Variants in TTC28 observed in about 807,000 individuals in gnomAD.
The protein encoded by TTC28 is tetratricopeptide repeat protein 28.
In TTC28, 61 loss-of-function variants were observed where a neutral mutation model predicts 198.0. That is an observed-to-expected ratio of 0.31 (90% CI 0.25 to 0.38). The LOEUF (loss-of-function observed/expected upper bound fraction) is 0.38. Ranked by LOEUF, TTC28 falls within the 10% of genes least tolerant of loss-of-function variation. The probability of loss-of-function intolerance (pLI) is 1.00; values close to 1 mark genes in which losing one functional copy is unlikely to be tolerated. For missense variants in TTC28, 2,678 were observed against 3,164.0 expected (o/e 0.85, Z 3.69); for synonymous variants, 1,171 against 1,297.8 (o/e 0.90, Z 2.10).
intron 10 of TTC28, among the ~76,000 whole-genome samples, chr22:28,098,380 A>C (rs1942034974): frequency 1.3e-5 from 2 of 152,110 alleles, no homozygotes; most frequent in Non-Finnish European, 2.9e-5. Flanking sequence ...CCCTGTCTCA[A>C]GGACACTTTC....
At chr22:28,603,738 T>C (rs2050680285) in intron 2 of TTC28, among the ~76,000 whole-genome samples, 1 of 152,098 alleles carries the variant, frequency 6.6e-6, no homozygotes. Context: ...ACAATCCTTA[T>C]AACAGTCCTC....
At chr22:28,125,636 T>G (rs949470077) in intron 6 of TTC28, among the ~76,000 whole-genome samples, 2 of 152,222 alleles carry the variant, frequency 1.3e-5, no homozygotes, top group Admixed American at 6.5e-5. Context: ...ACAAAAGGAT[T>G]CATATTTCCT....
rs563119889 is a variant in TTC28, at chr22:28,476,324, G to A, written c.381+153228C>T. Among the ~76,000 whole-genome samples, 13 of 152,096 alleles carry A rather than the reference G, an allele frequency of 8.5e-5. 1 individual carries two copies. The highest frequency in any genetic ancestry group is 8.3e-4 in the South Asian group (4 of 4,816). ...CATTCATTTTCCCCTTATGTATAAC[G>A]TTGTGTAATATGTGATATGCACTGT... On this transcript the variant is annotated intron_variant, in intron 2 of 22. Coordinates refer to ENST00000397906, the MANE Select transcript of TTC28 (RefSeq NM_001145418.2).
chr22:28,324,194 G>C (rs1025070773), intron 2 of TTC28, among the ~76,000 whole-genome samples: 1 of 152,134 alleles, frequency 6.6e-6, no homozygotes, highest in Non-Finnish European at 1.5e-5. Flanking sequence ...GCTCATGCCT[G>C]TAGTCCCAGC....
At chr22:28,258,902 A>AGTGT (rs34572491) in intron 5 of TTC28, among the ~76,000 whole-genome samples, 4,348 of 147,792 alleles carry the variant, frequency 0.029, 89 homozygotes, top group African/African-American at 0.054. Context: ...TTGGTTAAAG[A>AGTGT]GTGTGTGTGT....
intron 5 of TTC28, among the ~76,000 whole-genome samples, chr22:28,195,831 G>A (rs1267417978): frequency 1.3e-5 from 2 of 149,822 alleles, no homozygotes; most frequent in South Asian, 4.3e-4. Context: ...GGGATAGGAA[G>A]AATCAATATC....
At chr22:28,671,114 T>G (rs1430220496) in intron 1 of TTC28, among the ~76,000 whole-genome samples, 1 of 152,010 alleles carries the variant, frequency 6.6e-6, no homozygotes, top group Non-Finnish European at 1.5e-5. Context: ...AACATTTTTT[T>G]CTATTTTTTT....
intron 5 of TTC28, among the ~76,000 whole-genome samples, chr22:28,192,881 A>G (rs1009191027): frequency 2.0e-5 from 3 of 152,216 alleles, no homozygotes; most frequent in Non-Finnish European, 4.4e-5. Flanking sequence ...GATATTTTCC[A>G]GGAGAACTTC....
At chr22:28,389,077 T>A (rs1396271694) in intron 2 of TTC28, among the ~76,000 whole-genome samples, 2 of 152,138 alleles carry the variant, frequency 1.3e-5, no homozygotes, top group African/African-American at 4.8e-5. Flanking sequence ...GTCAAAGGCC[T>A]TTTCTGCATC....
chr22:28,211,609 C>T (rs970324098), intron 5 of TTC28, among the ~76,000 whole-genome samples: 3 of 152,138 alleles, frequency 2.0e-5, no homozygotes, highest in Non-Finnish European at 4.4e-5. Context: ...GCACCCAATA[C>T]AGGAGCACCC....
intron 5 of TTC28, among the ~76,000 whole-genome samples, chr22:28,165,519 A>G (rs1921829261): frequency 6.6e-6 from 1 of 152,024 alleles, no homozygotes; most frequent in African/African-American, 2.4e-5. Context: ...GTAGGGGCCA[A>G]TATTCAACAT....
At chr22:28,377,379 C>CT (rs879817495) in intron 2 of TTC28, among the ~76,000 whole-genome samples, 36 of 143,646 alleles carry the variant, frequency 2.5e-4, no homozygotes, top group Admixed American at 4.2e-4. Context: ...CTTCTGGTGC[C>CT]TTTTTTTTTT....
chr22:28,169,416 C>G (rs550666278), intron 5 of TTC28, among the ~76,000 whole-genome samples: 3 of 152,120 alleles, frequency 2.0e-5, no homozygotes. Flanking sequence ...GACTTGGAAC[C>G]AACCCAAATG....
At chr22:28,303,267 A>G (rs970238494) in intron 3 of TTC28, among the ~76,000 whole-genome samples, 14 of 152,370 alleles carry the variant, frequency 9.2e-5, no homozygotes, top group African/African-American at 3.4e-4. Flanking sequence ...AAATGTTTGT[A>G]AGATACAATA....
intron 5 of TTC28, among the ~76,000 whole-genome samples, chr22:28,264,331 G>A (rs1296027690): frequency 2.6e-5 from 4 of 152,116 alleles, no homozygotes; most frequent in Non-Finnish European, 4.4e-5. Flanking sequence ...GGCCTCCCCA[G>A]CCATGTGGAA....
At chr22:27,991,373 G>T (rs1937401536) in intron 19 of TTC28, among the ~76,000 whole-genome samples, 1 of 152,162 alleles carries the variant, frequency 6.6e-6, no homozygotes, top group African/African-American at 2.4e-5. Flanking sequence ...GCTTTAATAT[G>T]CAGTGTTCTG....
chr22:28,087,105 C>T (rs970861069), intron 12 of TTC28, among the ~76,000 whole-genome samples: 1 of 152,136 alleles, frequency 6.6e-6, no homozygotes, highest in Non-Finnish European at 1.5e-5. Context: ...GGTACCATTC[C>T]TTCTGAAACT....
At chr22:28,154,131 A>G (rs1268694677) in intron 6 of TTC28, among the ~76,000 whole-genome samples, 2 of 152,208 alleles carry the variant, frequency 1.3e-5, no homozygotes, top group African/African-American at 4.8e-5. Context: ...CCAGTAAATA[A>G]GATTCATGGT....
Position 28,163,416 on chromosome 22 carries a change from C to A in TTC28, c.1117G>T (p.Ala373Ser). The A allele has an allele frequency of 6.4e-7, 1 of 1,551,914 alleles. No individual in the cohort carries two copies. Among genetic ancestry groups the A allele is most frequent in the Non-Finnish European group, 8.7e-7 (1 of 1,147,040 alleles). ...AGATGCTGCTCATGGCACTGCACAGCATTCTCAAAGTCACCCATGGCAATA... is the reference window on the plus strand; with the variant it reads ...AGATGCTGCTCATGGCACTGCACAGAATTCTCAAAGTCACCCATGGCAATA... ...VYIAMGDFENAVQCHEQHLKI... is the reference protein window; with the variant it reads ...VYIAMGDFENSVQCHEQHLKI... Residue 373 changes from alanine to serine, a missense_variant, in exon 6 of 23, where the codon GCT (alanine) becomes TCT (serine). Physicochemically the swap from Ala to Ser is moderately conservative, Grantham distance 99. Transcript: ENST00000397906.
Sources: allele counts gnomAD v4.1 joint callset (sites outside exome capture counted in the v4.1 genomes callset), GRCh38; gene constraint gnomAD v4.1.1; transcripts MANE v1.5; gene names NCBI Gene and HGNC (gene_info 2026-07-23, HGNC 2026-07-21).